Variants in ZNF563 observed in about 807,000 individuals in gnomAD.
ZNF563 encodes zinc finger protein 563.
In ZNF563, 39 loss-of-function variants were observed where a neutral mutation model predicts 48.5. That is an observed-to-expected ratio of 0.80 (90% CI 0.62 to 1.05). The LOEUF (loss-of-function observed/expected upper bound fraction) is 1.05, where lower values mean the gene tolerates loss of function less well. ZNF563 is among the 50% of genes least tolerant of loss of function. ZNF563 has a pLI of 0.00. For synonymous variants in ZNF563, 168 were observed against 187.9 expected (o/e 0.89, Z 0.87); for missense variants, 538 against 597.0 (o/e 0.90, Z 1.03).
At chr19:12,319,930 T>C (rs79471554) in intron 3 of ZNF563, 97 bp from the exon 4 acceptor site, 49 of 1,090,348 alleles carry the variant, frequency 4.5e-5, no homozygotes, top group East Asian at 3.9e-4. Context: ...TTTTTTTTTT[T>C]CCCTGAGATG....
At chr19:12,322,810 C>T in intron 1 of ZNF563, 99 bp from the exon 2 acceptor site, 1 of 1,280,982 alleles carries the variant, frequency 7.8e-7, no homozygotes, top group Middle Eastern at 2.1e-4. Context: ...GCTTTCCAAG[C>T]ATTTATTCAA....
intron 1 of ZNF563, among the ~76,000 whole-genome samples, chr19:12,329,920 CTTTTCT>C (rs1237140695): frequency 2.7e-5 from 4 of 146,718 alleles, no homozygotes; most frequent in African/African-American, 2.5e-5. Flanking sequence ...CTTTTCTTTT[CTTTTCT>C]TTTTTTTTTT....
At chr19:12,329,306 T>A (rs1968867625) in intron 1 of ZNF563, among the ~76,000 whole-genome samples, 1 of 151,856 alleles carries the variant, frequency 6.6e-6, no homozygotes, top group African/African-American at 2.4e-5. Context: ...ACCCCGTCTC[T>A]ACTAAAAATA....
chr19:12,334,894 A>T (rs1244789488), upstream of ZNF563, among the ~76,000 whole-genome samples: 3 of 146,656 alleles, frequency 2.0e-5, no homozygotes, highest in East Asian at 5.8e-4. Flanking sequence ...AAAAAAAAAA[A>T]GGTTACTTTA....
chr19:12,338,441 G>T (rs1325586562), upstream of ZNF563, among the ~76,000 whole-genome samples: 2 of 152,054 alleles, frequency 1.3e-5, no homozygotes, highest in Admixed American at 6.6e-5. Flanking sequence ...TAGAGATGGG[G>T]TTTCGCCATG....
At chr19:12,340,469 C>T in the ZNF563 span, among the ~76,000 whole-genome samples, 1 of 152,076 alleles carries the variant, frequency 6.6e-6, no homozygotes, top group Admixed American at 6.6e-5. Context: ...GACCCTATGT[C>T]AAACATAAAA....
chr19:12,333,545 C>T lies in ZNF563; in HGVS notation c.-63G>A. Reference sequence around the variant, plus strand: ...CCTCCCGCTGCCAGTGCGGGTCCCACTGTGACAGAGGCTGCCACAGACGTT... The same window carrying T: ...CCTCCCGCTGCCAGTGCGGGTCCCATTGTGACAGAGGCTGCCACAGACGTT... On this transcript the variant is annotated 5_prime_UTR_variant, in exon 1 of 4. In the 5' UTR this introduces an upstream ATG that the reference lacks. Transcript: ENST00000293725. 5 of 1,607,940 alleles carry T rather than the reference C, an allele frequency of 3.1e-6. No homozygotes were observed. The highest frequency in any genetic ancestry group is 2.2e-5 in the South Asian group (2 of 90,296).
chr19:12,340,599 C>A, the ZNF563 span, among the ~76,000 whole-genome samples: 1 of 152,000 alleles, frequency 6.6e-6, no homozygotes, highest in Non-Finnish European at 1.5e-5. Context: ...CGTGGTGAAA[C>A]CCTGTCTCTA....
intron 1 of ZNF563, among the ~76,000 whole-genome samples, chr19:12,328,140 C>T (rs1486241093): frequency 6.6e-6 from 1 of 152,150 alleles, no homozygotes; most frequent in Admixed American, 6.5e-5. Context: ...GAAATAGTCA[C>T]CAAGATGCAC....
At chr19:12,341,315 G>A in the ZNF563 span, among the ~76,000 whole-genome samples, 3 of 152,178 alleles carry the variant, frequency 2.0e-5, no homozygotes, top group African/African-American at 7.2e-5. Context: ...GCCTCCCAAA[G>A]TGCTTGGATT....
intron 1 of ZNF563, among the ~76,000 whole-genome samples, chr19:12,327,370 G>A (rs906941585): frequency 5.3e-5 from 8 of 149,706 alleles, no homozygotes; most frequent in Non-Finnish European, 1.2e-4. Context: ...TGAGGCAGGA[G>A]AATCGCTTGA....
At chr19:12,324,492 C>A (rs952129617) in intron 1 of ZNF563, among the ~76,000 whole-genome samples, 1 of 151,898 alleles carries the variant, frequency 6.6e-6, no homozygotes, top group Non-Finnish European at 1.5e-5. Context: ...CTGAGGTGGG[C>A]GGATCACCTG....
chr19:12,335,189 G>A (rs1480695875), upstream of ZNF563, among the ~76,000 whole-genome samples: 3 of 152,130 alleles, frequency 2.0e-5, no homozygotes, highest in Non-Finnish European at 4.4e-5. Flanking sequence ...AGAAGCAAAA[G>A]TTTTTTCTCC....
intron 3 of ZNF563, among the ~76,000 whole-genome samples, 171 bp downstream of exon 3, chr19:12,321,101 C>T (rs888910002): frequency 4.6e-5 from 7 of 151,848 alleles, no homozygotes; most frequent in Admixed American, 1.3e-4. Context: ...GATCATGCCA[C>T]TGCACTCCAG....
chr19:12,341,539 T>C, the ZNF563 span, among the ~76,000 whole-genome samples: 1 of 152,080 alleles, frequency 6.6e-6, no homozygotes, highest in Non-Finnish European at 1.5e-5. Flanking sequence ...TCCATGCAAA[T>C]AGTAATCCAA....
At chr19:12,330,835 T>C (rs1387044199) in intron 1 of ZNF563, among the ~76,000 whole-genome samples, 3 of 152,232 alleles carry the variant, frequency 2.0e-5, no homozygotes, top group Admixed American at 2.0e-4. Context: ...ACCTTTCTCA[T>C]ACCAGAAAAA....
At chr19:12,336,046 T>C (rs78720036), upstream of ZNF563, among the ~76,000 whole-genome samples, 7,436 of 152,328 alleles carry the variant, frequency 0.049, 604 homozygotes, top group African/African-American at 0.17. Context: ...GATGAGTTAA[T>C]TGAAACAAAG....
chr19:12,338,129 A>G (rs1245143991), upstream of ZNF563, among the ~76,000 whole-genome samples: 2 of 152,068 alleles, frequency 1.3e-5, no homozygotes, highest in Admixed American at 6.6e-5. Flanking sequence ...GAAAACAAAC[A>G]AACAAAAAAC....
intron 1 of ZNF563, among the ~76,000 whole-genome samples, chr19:12,328,179 A>G (rs940797114): frequency 6.6e-6 from 1 of 152,236 alleles, no homozygotes; most frequent in Non-Finnish European, 1.5e-5. Flanking sequence ...ACACACTAGA[A>G]CAAATGTTTT....
Sources: gnomAD v4.1 joint callset for allele counts (sites outside exome capture counted in the v4.1 genomes callset) on GRCh38, gnomAD v4.1.1 for gene constraint, MANE v1.5 for transcripts, NCBI Gene and HGNC (gene_info 2026-07-23, HGNC 2026-07-21) for gene names.